IGSF9B: variants seen among roughly 807,000 people sequenced by gnomAD.
IGSF9B encodes the protein protein turtle homolog B.
In IGSF9B, 48 loss-of-function variants were observed where a neutral mutation model predicts 143.7. That is an observed-to-expected ratio of 0.33 (90% CI 0.26 to 0.42). The LOEUF (loss-of-function observed/expected upper bound fraction) is 0.42, where lower values mean the gene tolerates loss of function less well. Ranked by LOEUF, IGSF9B falls within the 20% of genes least tolerant of loss-of-function variation. The pLI, the probability that IGSF9B is intolerant of heterozygous loss-of-function variation, is 1.00. For missense variants in IGSF9B, 1,706 were observed against 1,980.0 expected, an observed-to-expected ratio of 0.86 and a Z score of 2.63; for synonymous variants, 903 against 833.1, an observed-to-expected ratio of 1.08 and a Z score of -1.44.
Position 133,927,870 on chromosome 11 carries a change from G to C in IGSF9B, c.1632-779C>G, listed in dbSNP as rs1433237314. 3.9e-5 allele frequency among the ~76,000 whole-genome samples: 6 copies of C among 152,128 alleles called. No homozygotes were observed. The East Asian group carries it at 1.2e-3, about 29-fold the overall frequency. On this transcript the variant is annotated intron_variant, in intron 12 of 19. Transcript: ENST00000533871. ...TGGGTGCCCTCCAGGATCCACTCCC[G>C]GGTCCCGGCTCACTACCGTGCACGC...
chr11:133,918,522 G>A (rs991275720), intron 18 of IGSF9B, among the ~76,000 whole-genome samples: 1 of 152,138 alleles, frequency 6.6e-6, no homozygotes, highest in Admixed American at 6.5e-5. Context: ...CGGCACCTCC[G>A]CGCACAGGCG....
chr11:133,951,566 G>A (rs148310255), intron 1 of IGSF9B, among the ~76,000 whole-genome samples: 4 of 152,186 alleles, frequency 2.6e-5, no homozygotes, highest in Admixed American at 6.5e-5. Flanking sequence ...ATTTGCTCTC[G>A]GCTAGATTGT....
chr11:133,952,484 C>CACACTAACCT (rs1940178627), intron 1 of IGSF9B, among the ~76,000 whole-genome samples: 1 of 152,160 alleles, frequency 6.6e-6, no homozygotes, highest in African/African-American at 2.4e-5. Context: ...AGAGGAGTGG[C>CACACTAACCT]CCCCACCTCG....
intron 15 of IGSF9B, among the ~76,000 whole-genome samples, chr11:133,923,006 C>T (rs559994556): frequency 6.6e-6 from 1 of 152,358 alleles, no homozygotes; most frequent in Non-Finnish European, 1.5e-5. Context: ...GTAATCTATA[C>T]TTATCTAGGG....
intron 3 of IGSF9B, among the ~76,000 whole-genome samples, chr11:133,941,916 T>A (rs1466998440): frequency 6.6e-6 from 1 of 152,144 alleles, no homozygotes; most frequent in Non-Finnish European, 1.5e-5. Context: ...AAGTTCTCCC[T>A]CCTTTGTGCT....
At chr11:133,944,152 CCA>C (rs1234257136) in intron 3 of IGSF9B, 66 bp downstream of exon 3, 37 of 1,506,678 alleles carry the variant, frequency 2.5e-5, no homozygotes, top group Non-Finnish European at 3.3e-5. Context: ...TGGGGCAGGC[CCA>C]CCCCGGAAAC....
chr11:133,901,194 T>A lies in IGSF9B; in HGVS notation c.*7875A>T, dbSNP rs1232643473. Reference sequence around the variant, plus strand: ...TCCTTCCTGCAGGTGGGTTATTTGTTTTGTTATTTTACAAACTTTTCATAT... The same window carrying A: ...TCCTTCCTGCAGGTGGGTTATTTGTATTGTTATTTTACAAACTTTTCATAT... On this transcript the variant is annotated 3_prime_UTR_variant, in exon 20 of 20. Transcript: ENST00000533871. 1 of 152,222 alleles carries A rather than the reference T, an allele frequency of 6.6e-6. No homozygotes were observed. Among genetic ancestry groups the A allele is most frequent in the Non-Finnish European group, 1.5e-5 (1 of 68,050 alleles). The allele number at this position is 152,222 out of a possible 1,614,324, so 9.4% of individuals were successfully genotyped here. A position where few individuals can be genotyped will look rare whatever the true frequency, so the allele number is the denominator to read the frequency against.
At chr11:133,940,721 C>G (rs1032462801) in intron 3 of IGSF9B, among the ~76,000 whole-genome samples, 8 of 148,776 alleles carry the variant, frequency 5.4e-5, no homozygotes, top group Non-Finnish European at 1.0e-4. Flanking sequence ...TGTCCTCGCA[C>G]GCGTCATCAC....
chr11:133,912,782 A>G (rs1318855098), intron 18 of IGSF9B, among the ~76,000 whole-genome samples: 4 of 152,214 alleles, frequency 2.6e-5, no homozygotes, highest in Admixed American at 2.6e-4. Context: ...AGGATTCGAC[A>G]GAGAAACGAG....
chr11:133,911,896 C>G lies in IGSF9B; in HGVS notation c.4095G>C (p.Lys1365Asn). Residue 1365 changes from lysine (K) to asparagine (N), a missense_variant, in exon 19 of 20, where the codon AAG becomes AAC. Physicochemically the swap from Lys to Asn is moderately conservative, Grantham distance 94 (BLOSUM62 0). This residue lies in a region of IGSF9B where 880 missense variants were observed against 762.9 expected (regional missense o/e 1.15). Coordinates refer to ENST00000533871, the MANE Select transcript of IGSF9B (RefSeq NM_001277285.4). Reference sequence around the variant, plus strand: ...CTGCCCATCATTTACCGGATCGTTTCTTTGACTTCGAAGAGCCCTTGGATG... The same window carrying G: ...CTGCCCATCATTTACCGGATCGTTTGTTTGACTTCGAAGAGCCCTTGGATG... ...KKSSKGSSKS[K>N]KRSDDSASQT... 1 of 1,529,776 alleles carries G rather than the reference C, an allele frequency of 6.5e-7. No individual in the cohort carries two copies. The highest frequency in any genetic ancestry group is 1.2e-5 in the South Asian group (1 of 83,002). 94.8% of individuals were successfully genotyped at this position (1,529,776 alleles called of 1,614,324 possible). A position where few individuals can be genotyped will look rare whatever the true frequency, so the allele number is the denominator to read the frequency against.
chr11:133,911,826 C>A, intron 19 of IGSF9B, 60 bp downstream of exon 19: 1 of 1,440,588 alleles, frequency 6.9e-7, no homozygotes, highest in South Asian at 1.5e-5. Context: ...GCCCAATAAC[C>A]CTCCTGACAA....
chr11:133,948,049 A>ATGTGTGTG lies in IGSF9B; in HGVS notation c.65-1792_65-1791insCACACACA. Among the ~76,000 whole-genome samples, 1 of 113,596 alleles carries ATGTGTGTG rather than the reference A, an allele frequency of 8.8e-6. No homozygotes were observed. The allele number at this position is 113,596 out of a possible 152,430, so 74.5% of individuals were successfully genotyped here. The stretch of plus-strand genomic sequence containing the variant: ...TCTCTCCCTGTTTCTGTCTACCAGC[A>ATGTGTGTG]TGTGTGCGTGTGTGTGTGTGTGTGT... On this transcript the variant is annotated intron_variant, in intron 1 of 19. Transcript: ENST00000533871. This position sits in a 1 kb window ranked among gnomAD's most constrained non-coding sequence, Gnocchi z 4.7.
Position 133,906,958 on chromosome 11 carries a change from C to T in IGSF9B, c.*2111G>A, listed in dbSNP as rs565415941. On this transcript the variant is annotated 3_prime_UTR_variant, in exon 20 of 20. Coordinates refer to ENST00000533871, the MANE Select transcript of IGSF9B (RefSeq NM_001277285.4). ...CCCAAGTGAGCAGCACATCACGACG[C>T]GGGGGCAGAGGGTGTGCTACCTGGA... is the stretch of plus-strand genomic sequence containing the variant. Among the ~76,000 whole-genome samples the T allele has an allele frequency of 2.6e-5, 4 of 152,258 alleles. No homozygotes were observed. The highest frequency in any genetic ancestry group is 2.1e-4 in the South Asian group (1 of 4,830).
Position 133,921,139 on chromosome 11 carries a change from A to G in IGSF9B, c.2586T>C (p.Pro862=). 1 of 1,613,590 alleles carries G rather than the reference A, an allele frequency of 6.2e-7. No individual in the cohort carries two copies. The highest frequency in any genetic ancestry group is 1.1e-5 in the South Asian group (1 of 91,072). ...RGPDGRFVMD[P]AEMEPSLKSR... is the part of the protein sequence containing the mutation. Reference sequence around the variant, plus strand: ...TCTTCAGCGAGGGCTCCATCTCGGCAGGGTCCATCACGAAGCGGCCGTCAG... The same window carrying G: ...TCTTCAGCGAGGGCTCCATCTCGGCGGGGTCCATCACGAAGCGGCCGTCAG... The change falls in exon 18 of 20, where the codon CCT becomes CCC. Residue 862 remains proline, a synonymous_variant. Coordinates refer to ENST00000533871, the MANE Select transcript of IGSF9B (RefSeq NM_001277285.4).
chr11:133,942,149 GT>G (rs934205477), intron 3 of IGSF9B, among the ~76,000 whole-genome samples: 4 of 151,868 alleles, frequency 2.6e-5, no homozygotes, highest in Admixed American at 1.3e-4. Context: ...ATCTGACTTT[GT>G]TTTTTTTCCT....
intron 14 of IGSF9B, among the ~76,000 whole-genome samples, chr11:133,925,452 G>C (rs186717039): frequency 1.3e-5 from 2 of 152,182 alleles, no homozygotes; most frequent in Non-Finnish European, 1.5e-5. Flanking sequence ...CTCTGATTAC[G>C]CCTGCTGGCC....
intron 1 of IGSF9B, among the ~76,000 whole-genome samples, chr11:133,950,366 G>A (rs1181170861): frequency 6.6e-6 from 1 of 152,214 alleles, no homozygotes; most frequent in Non-Finnish European, 1.5e-5. Flanking sequence ...GCTCTGTGCT[G>A]GGAACGCAGG....
At chr11:133,922,516 G>A in intron 16 of IGSF9B, 53 bp downstream of exon 16, 1 of 1,563,280 alleles carries the variant, frequency 6.4e-7, no homozygotes, top group Non-Finnish European at 8.8e-7. Flanking sequence ...TCTCTTGATG[G>A]GGGGCATTTG....
chr11:133,926,070 A>AGTCAGG, intron 13 of IGSF9B, 105 bp from the exon 14 acceptor site: 1 of 821,686 alleles, frequency 1.2e-6, no homozygotes, highest in Non-Finnish European at 2.0e-6. Context: ...AGGGAAGCAG[A>AGTCAGG]GTCAGGGCCC....
Sources: gnomAD v4.1 joint callset for allele counts (sites outside exome capture counted in the v4.1 genomes callset) on GRCh38, gnomAD v4.1.1 for gene constraint, gnomAD v4.1.1 regional missense constraint, Gnocchi (gnomAD v3.1) non-coding constraint, MANE v1.5 for transcripts, NCBI Gene and HGNC (gene_info 2026-07-23, HGNC 2026-07-21) for gene names.